Variants in ARHGAP21 observed in about 807,000 individuals in gnomAD.
The protein encoded by ARHGAP21 is rho GTPase-activating protein 21.
ARHGAP21 carries 38 observed loss-of-function variants against 164.6 expected under a neutral mutation model. The ratio of observed to expected loss-of-function variants is 0.23; its 90% CI spans 0.18 to 0.30. The LOEUF (loss-of-function observed/expected upper bound fraction) is 0.30, where lower values mean the gene tolerates loss of function less well. ARHGAP21 is among the 10% of genes least tolerant of loss of function. ARHGAP21 has a pLI of 1.00. For missense variants in ARHGAP21, 1,822 were observed against 2,370.7 expected, an observed-to-expected ratio of 0.77 and a Z score of 4.81; for synonymous variants, 766 against 857.9, an observed-to-expected ratio of 0.89 and a Z score of 1.87.
rs893232510 is a variant in ARHGAP21 at position 24,667,148 on chromosome 10, C to G, written c.244-139G>C. The G allele has an allele frequency of 1.1e-5, 5 of 469,058 alleles. No individual in the cohort carries two copies. In the South Asian group the frequency reaches 1.7e-4, roughly 16 times the overall value. 29.1% of individuals were successfully genotyped at this position (469,058 alleles called of 1,614,324 possible). The stretch of plus-strand genomic sequence containing the variant: ...TCTCACTAACAATATTCTTAATGAT[C>G]ACATTCTCTTCTATAGCCACTGGCA... On this transcript the variant is annotated intron_variant, in intron 3 of 25. Coordinates refer to ENST00000396432, the MANE Select transcript of ARHGAP21 (RefSeq NM_020824.4).
chr10:24,612,715 T>C (rs1392734526), intron 9 of ARHGAP21, among the ~76,000 whole-genome samples: 12 of 151,858 alleles, frequency 7.9e-5, no homozygotes, highest in East Asian at 7.7e-4. Flanking sequence ...ATTAGCCAGG[T>C]GTGGTGGCGG....
At chr10:24,719,122 C>CAT (rs1337136841) in intron 2 of ARHGAP21, among the ~76,000 whole-genome samples, 1 of 151,892 alleles carries the variant, frequency 6.6e-6, no homozygotes, top group Non-Finnish European at 1.5e-5. Flanking sequence ...CACACACACA[C>CAT]ACACACACCC....
At chr10:24,646,124 C>A (rs543457979) in intron 4 of ARHGAP21, among the ~76,000 whole-genome samples, 1 of 152,246 alleles carries the variant, frequency 6.6e-6, no homozygotes, top group East Asian at 1.9e-4. Context: ...GTAAATATTT[C>A]TATTCTGTTT....
At chr10:24,674,933 C>T (rs1417530106) in intron 2 of ARHGAP21, among the ~76,000 whole-genome samples, 8 of 152,104 alleles carry the variant, frequency 5.3e-5, no homozygotes. Context: ...TAAAAACTAA[C>T]CATACTGAGT....
intron 3 of ARHGAP21, among the ~76,000 whole-genome samples, chr10:24,667,815 G>A (rs1276175133): frequency 6.6e-6 from 1 of 151,466 alleles, no homozygotes; most frequent in African/African-American, 2.4e-5. Context: ...TGCCAGTTAA[G>A]TGACAAAATA....
intron 7 of ARHGAP21, among the ~76,000 whole-genome samples, chr10:24,624,815 A>T (rs1035551001): frequency 6.6e-6 from 1 of 152,146 alleles, no homozygotes; most frequent in African/African-American, 2.4e-5. Flanking sequence ...ATCAGACAAC[A>T]TTTAAATTTT....
rs138158463 is a variant in ARHGAP21 at position 24,619,508 on chromosome 10, G to A, written c.2387C>T (p.Pro796Leu). 5.7e-5 allele frequency: 92 copies of A among 1,613,870 alleles called. No individual in the cohort carries two copies. The highest frequency in any genetic ancestry group is 1.6e-4 in the Middle Eastern group (1 of 6,080). ...MEERKASSTS[P>L]PGDSLASIPF... ...GATGGAAGCCAAAGAATCGCCAGGC[G>A]GACTGGTACTCGAGGCTTTTCTTTC... The change falls in exon 9 of 26, where the codon CCG (proline) becomes CTG (leucine). Residue 796 changes from proline (P) to leucine (L), a missense_variant. By Grantham distance (98) the Pro-to-Leu change is moderately conservative (BLOSUM62 -3). This residue lies in a region of ARHGAP21 where 1,090 missense variants were observed against 1,378.9 expected (regional missense o/e 0.79). Coordinates refer to ENST00000396432, the MANE Select transcript of ARHGAP21 (RefSeq NM_020824.4).
intron 7 of ARHGAP21, among the ~76,000 whole-genome samples, chr10:24,625,050 T>TGGGGGG (rs57313842): frequency 1.3e-3 from 1 of 774 alleles, no homozygotes; most frequent in Non-Finnish European, 3.5e-3. Context: ...CTCTAAAAAG[T>TGGGGGG]GGGGGGGGGG....
chr10:24,686,571 GA>G (rs1463426592), intron 2 of ARHGAP21, among the ~76,000 whole-genome samples: 1 of 152,028 alleles, frequency 6.6e-6, no homozygotes, highest in Non-Finnish European at 1.5e-5. Flanking sequence ...AATGGCATGA[GA>G]AAATGCCCAA....
At chr10:24,671,947 C>T (rs563155988) in intron 2 of ARHGAP21, among the ~76,000 whole-genome samples, 52 of 118,192 alleles carry the variant, frequency 4.4e-4, no homozygotes, top group Non-Finnish European at 6.7e-4. Context: ...TCAGGCTGGT[C>T]TTGAGCTCCT....
intron 2 of ARHGAP21, among the ~76,000 whole-genome samples, chr10:24,686,496 C>T (rs1264613114): frequency 1.3e-5 from 2 of 151,696 alleles, no homozygotes; most frequent in African/African-American, 4.8e-5. Flanking sequence ...TGTCTAACAA[C>T]AACAAAAAAG....
chr10:24,591,207 T>C lies in ARHGAP21; in HGVS notation c.4150+18A>G. 1 of 1,583,346 alleles carries C rather than the reference T, an allele frequency of 6.3e-7. No individual in the cohort carries two copies. Among genetic ancestry groups the C allele is most frequent in the South Asian group, 1.1e-5 (1 of 89,626 alleles). On this transcript the variant is annotated intron_variant, in intron 24 of 25. Coordinates refer to ENST00000396432, the MANE Select transcript of ARHGAP21 (RefSeq NM_020824.4). ...TAGCTTTCAGCCTAGAGGTCAAGAC[T>C]GCCCAGGCAAGAGTTACCTGATACA...
At chr10:24,648,789 A>AG in intron 4 of ARHGAP21, 2 of 984,086 alleles carry the variant, frequency 2.0e-6, no homozygotes, top group Non-Finnish European at 2.4e-6. Flanking sequence ...CAAAAAAAAA[A>AG]AAAAAAAATC....
At position 24,675,391 on chromosome 10, in the gene ARHGAP21, T is replaced by A. The variant is rs550186793; in HGVS notation, c.64-4994A>T. On this transcript the variant is annotated intron_variant, in intron 2 of 25. Coordinates refer to ENST00000396432, the MANE Select transcript of ARHGAP21 (RefSeq NM_020824.4). Reference sequence around the variant, plus strand: ...AAAAATTCTAAATACTGGTCTATACTGACTGAAAGCAGATTAGCAGTTGCT... The same window carrying A: ...AAAAATTCTAAATACTGGTCTATACAGACTGAAAGCAGATTAGCAGTTGCT... Among the ~76,000 whole-genome samples, 83 of 152,256 alleles carry A rather than the reference T, an allele frequency of 5.5e-4. 1 individual carries two copies. The highest frequency in any genetic ancestry group is 1.9e-3 in the African/African-American group (81 of 41,554).
intron 2 of ARHGAP21, among the ~76,000 whole-genome samples, chr10:24,720,140 T>C (rs559338159): frequency 6.7e-6 from 1 of 150,320 alleles, no homozygotes; most frequent in African/African-American, 2.5e-5. Context: ...CGTTAAAAAA[T>C]ACATAACTGT....
intron 24 of ARHGAP21, chr10:24,590,920 A>ATTACATGGAAACTGTG: frequency 1.1e-6 from 1 of 894,544 alleles, no homozygotes; most frequent in Non-Finnish European, 1.3e-6. Context: ...TGTGATGACT[A>ATTACATGGAAACTGTG]TTACATGGAA....
chr10:24,592,722 T>TAAGA (rs903381951), intron 21 of ARHGAP21, among the ~76,000 whole-genome samples: 2 of 149,902 alleles, frequency 1.3e-5, no homozygotes, highest in South Asian at 2.1e-4. Flanking sequence ...GGCGACAGAG[T>TAAGA]AAGATCCTGT....
At position 24,583,760 on chromosome 10, in the gene ARHGAP21, A is replaced by G. The variant is rs749561442; in HGVS notation, c.*652T>C. Reference sequence around the variant, plus strand: ...TCCAGGATCCACTATCTACACACCTATGTTACAACATTATATCAAATCTGG... The same window carrying G: ...TCCAGGATCCACTATCTACACACCTGTGTTACAACATTATATCAAATCTGG... On this transcript the variant is annotated 3_prime_UTR_variant, in exon 26 of 26. Transcript: ENST00000396432. 2 of 152,666 alleles carry G rather than the reference A, an allele frequency of 1.3e-5. No individual in the cohort carries two copies. Among genetic ancestry groups the G allele is most frequent in the African/African-American group, 2.4e-5 (1 of 41,454 alleles). 9.5% of individuals were successfully genotyped at this position (152,666 alleles called of 1,614,324 possible). A position where few individuals can be genotyped will look rare whatever the true frequency, so the allele number is the denominator to read the frequency against.
chr10:24,625,049 G>A lies in ARHGAP21; in HGVS notation c.496-2287C>T, dbSNP rs1382311016. Among the ~76,000 whole-genome samples, 12 of 53,938 alleles carry A rather than the reference G, an allele frequency of 2.2e-4. 2 individuals are homozygous for A. The East Asian group carries it at 6.2e-3, about 28-fold the overall frequency. The allele number at this position is 53,938 out of a possible 152,430, so 35.4% of individuals were successfully genotyped here. On this transcript the variant is annotated intron_variant, in intron 7 of 25. Coordinates refer to ENST00000396432, the MANE Select transcript of ARHGAP21 (RefSeq NM_020824.4). ...TATTAGATACAAAAAGCTCTAAAAA[G>A]TGGGGGGGGGGGGGGAGGAGGAGGA...
Sources: gnomAD v4.1 joint callset for allele counts (sites outside exome capture counted in the v4.1 genomes callset) on GRCh38, gnomAD v4.1.1 for gene constraint, gnomAD v4.1.1 regional missense constraint, MANE v1.5 for transcripts, NCBI Gene and HGNC (gene_info 2026-07-23, HGNC 2026-07-21) for gene names.